MYRIP: variants seen among roughly 807,000 people sequenced by gnomAD.
MYRIP encodes the protein myosin VIIA and Rab interacting protein, also known as rab effector MyRIP.
MYRIP carries 49 observed loss-of-function variants against 98.0 expected under a neutral mutation model. The ratio of observed to expected loss-of-function variants is 0.50; its 90% CI spans 0.40 to 0.63. The LOEUF is 0.63. Among genes scored for constraint, MYRIP ranks in the 30% least tolerant of loss-of-function variants. MYRIP has a pLI of 0.00. For synonymous variants in MYRIP, 404 were observed against 409.5 expected (o/e 0.99, Z 0.16); for missense variants, 1,004 against 1,058.2 (o/e 0.95, Z 0.71).
chr3:39,921,396 CCTAA>C (rs1207579011), intron 2 of MYRIP, among the ~76,000 whole-genome samples: 1 of 152,170 alleles, frequency 6.6e-6, no homozygotes, highest in Non-Finnish European at 1.5e-5. Context: ...ACTCCACTCC[CCTAA>C]CTGTTTTCAA....
intron 2 of MYRIP, among the ~76,000 whole-genome samples, chr3:39,907,342 C>A (rs1410916708): frequency 6.6e-6 from 1 of 152,208 alleles, no homozygotes. Flanking sequence ...CACCAAATAT[C>A]TTATGTGCTC....
rs552521044 is a variant in MYRIP, at chr3:40,002,825, A to G, written c.111-41225A>G. On this transcript the variant is annotated intron_variant, in intron 2 of 16. Coordinates refer to ENST00000302541, the MANE Select transcript of MYRIP (RefSeq NM_015460.4). ...GTATTGCTATATCTATAGTTTTAGT[A>G]TATGTATATATACACTCACACAATC... 3.3e-5 allele frequency among the ~76,000 whole-genome samples: 5 copies of G among 152,226 alleles called. No homozygotes were observed. The South Asian group carries it at 1.0e-3, about 31-fold the overall frequency.
chr3:39,947,299 G>A (rs1944924924), intron 2 of MYRIP, among the ~76,000 whole-genome samples: 1 of 151,450 alleles, frequency 6.6e-6, no homozygotes, highest in African/African-American at 2.4e-5. Context: ...AAGAAATTAA[G>A]AAAAGTACAA....
intron 2 of MYRIP, among the ~76,000 whole-genome samples, chr3:40,026,474 A>T (rs1947132116): frequency 6.6e-6 from 1 of 152,182 alleles, no homozygotes; most frequent in Admixed American, 6.5e-5. Flanking sequence ...TCCTGAGGTG[A>T]CATACATCCT....
chr3:40,180,548 C>T (rs1237832733), intron 8 of MYRIP, among the ~76,000 whole-genome samples: 1 of 152,222 alleles, frequency 6.6e-6, no homozygotes, highest in African/African-American at 2.4e-5. Flanking sequence ...TTCCCACAGG[C>T]CATGGCCTGC....
intron 1 of MYRIP, among the ~76,000 whole-genome samples, chr3:39,849,038 A>G (rs1401997850): frequency 6.6e-6 from 1 of 152,236 alleles, no homozygotes; most frequent in Non-Finnish European, 1.5e-5. Flanking sequence ...GTGAGTCTCT[A>G]GGAGAATTTT....
Position 40,201,922 on chromosome 3 carries a change from T to C in MYRIP, c.1666-7932T>C, listed in dbSNP as rs182910302. Among the ~76,000 whole-genome samples the C allele has an allele frequency of 2.0e-5, 3 of 152,278 alleles. No homozygotes were observed. The East Asian group carries it at 5.8e-4, about 29-fold the overall frequency. On this transcript the variant is annotated intron_variant, in intron 10 of 16. Coordinates refer to ENST00000302541, the MANE Select transcript of MYRIP (RefSeq NM_015460.4). ...AGGGACAGAAACGTTCCAAGTCCTCTGGGAGAGACAGATCAGCAGCAGAGT... is the reference window on the plus strand; with the variant it reads ...AGGGACAGAAACGTTCCAAGTCCTCCGGGAGAGACAGATCAGCAGCAGAGT...
chr3:39,902,759 T>G (rs1943774294), intron 2 of MYRIP, among the ~76,000 whole-genome samples: 5 of 152,214 alleles, frequency 3.3e-5, no homozygotes, highest in African/African-American at 4.8e-5. Flanking sequence ...CTTAGCTCCA[T>G]TGCAGAGTCA....
rs535974226 is a variant in MYRIP, at chr3:39,990,437, C to G, written c.111-53613C>G. On this transcript the variant is annotated intron_variant, in intron 2 of 16. Transcript: ENST00000302541. ...TCTAGTCAGCCATCTTGACCCCACCCCTGTTCTGCTCTTTGAGTCTGTGTT... is the reference window on the plus strand; with the variant it reads ...TCTAGTCAGCCATCTTGACCCCACCGCTGTTCTGCTCTTTGAGTCTGTGTT... 8.5e-5 allele frequency among the ~76,000 whole-genome samples: 13 copies of G among 152,288 alleles called. No homozygotes were observed. The East Asian group carries it at 2.3e-3, about 27-fold the overall frequency.
intron 3 of MYRIP, among the ~76,000 whole-genome samples, chr3:40,129,274 C>A (rs1348482286): frequency 1.3e-5 from 2 of 151,160 alleles, no homozygotes; most frequent in Admixed American, 1.3e-4. Flanking sequence ...CCCGTCTCCA[C>A]TAAAAATACA....
At chr3:40,089,152 G>A (rs1406300577) in intron 3 of MYRIP, among the ~76,000 whole-genome samples, 1 of 152,112 alleles carries the variant, frequency 6.6e-6, no homozygotes, top group African/African-American at 2.4e-5. Context: ...AGCACACCTA[G>A]GACTCCAGTT....
At chr3:39,867,373 A>T (rs1363935800) in intron 1 of MYRIP, among the ~76,000 whole-genome samples, 1 of 152,238 alleles carries the variant, frequency 6.6e-6, no homozygotes, top group Non-Finnish European at 1.5e-5. Context: ...AACAAAGTGA[A>T]AACACATTCT....
At chr3:40,148,841 G>A (rs1950060780) in intron 3 of MYRIP, among the ~76,000 whole-genome samples, 1 of 152,158 alleles carries the variant, frequency 6.6e-6, no homozygotes, top group African/African-American at 2.4e-5. Context: ...GGTGAATAAA[G>A]GTAACCAACA....
chr3:40,131,850 CA>C (rs577696789), intron 3 of MYRIP, among the ~76,000 whole-genome samples: 8 of 151,790 alleles, frequency 5.3e-5, no homozygotes, highest in Non-Finnish European at 1.2e-4. Flanking sequence ...TCCTCTTTTC[CA>C]AAACTTTTAA....
chr3:39,987,706 C>T (rs547133340), intron 2 of MYRIP, among the ~76,000 whole-genome samples: 1 of 152,278 alleles, frequency 6.6e-6, no homozygotes, highest in South Asian at 2.1e-4. Flanking sequence ...TTCTGACTGG[C>T]ATGGTTTTGA....
At chr3:40,094,251 T>C (rs960066835) in intron 3 of MYRIP, among the ~76,000 whole-genome samples, 3 of 152,318 alleles carry the variant, frequency 2.0e-5, no homozygotes, top group South Asian at 2.1e-4. Flanking sequence ...TAAGTCTTAA[T>C]AGCTGATTAT....
intron 2 of MYRIP, among the ~76,000 whole-genome samples, chr3:39,918,080 C>G (rs889172182): frequency 6.6e-6 from 1 of 152,122 alleles, no homozygotes; most frequent in Non-Finnish European, 1.5e-5. Context: ...GCGCCCGCCA[C>G]CACGCCCAGC....
intron 3 of MYRIP, among the ~76,000 whole-genome samples, chr3:40,137,073 C>A (rs1314324649): frequency 1.3e-5 from 2 of 151,982 alleles, no homozygotes; most frequent in African/African-American, 2.4e-5. Context: ...AAAAACCCTT[C>A]AAAAAATCAA....
intron 3 of MYRIP, among the ~76,000 whole-genome samples, chr3:40,056,075 G>T (rs1449350086): frequency 5.9e-5 from 9 of 152,202 alleles, no homozygotes; most frequent in Non-Finnish European, 1.0e-4. Context: ...AGCTTAGCCA[G>T]CACGTGTGAC....
Sources: gnomAD v4.1 joint callset for allele counts (sites outside exome capture counted in the v4.1 genomes callset) on GRCh38, gnomAD v4.1.1 for gene constraint, MANE v1.5 for transcripts, NCBI Gene and HGNC (gene_info 2026-07-23, HGNC 2026-07-21) for gene names.